STMN2: variants seen among roughly 807,000 people sequenced by gnomAD.
The protein encoded by STMN2 is stathmin-2.
A neutral mutation model predicts 24.1 loss-of-function variants in STMN2; 2 were observed. The ratio of observed to expected loss-of-function variants is 0.08; its 90% CI spans 0.03 to 0.26. STMN2 has a LOEUF of 0.26. Among genes scored for constraint, STMN2 ranks in the 10% least tolerant of loss-of-function variants. The pLI, the probability that STMN2 is intolerant of heterozygous loss-of-function variation, is 1.00. For missense variants in STMN2, 114 were observed against 213.6 expected (o/e 0.53, Z 2.91); for synonymous variants, 83 against 77.5 (o/e 1.07, Z -0.37).
At chr8:79,641,624 G>GCTCT in intron 3 of STMN2, 74 bp downstream of exon 3, 12 of 476,282 alleles carry the variant, frequency 2.5e-5, no homozygotes, top group Non-Finnish European at 3.8e-5. Context: ...GGGCACACAT[G>GCTCT]CACGCACACA....
intron 1 of STMN2, among the ~76,000 whole-genome samples, chr8:79,623,316 C>A (rs1585877788): frequency 6.6e-6 from 1 of 152,254 alleles, no homozygotes; most frequent in East Asian, 1.9e-4. Context: ...TATAAGGTAT[C>A]AGTAAAATGT....
intron 3 of STMN2, among the ~76,000 whole-genome samples, chr8:79,644,064 G>T (rs756306669): frequency 9.9e-5 from 15 of 151,642 alleles, no homozygotes; most frequent in Admixed American, 3.9e-4. Context: ...TTATTCTATT[G>T]GGTTATACTG....
chr8:79,626,080 TACA>T (rs1809647711), intron 1 of STMN2, among the ~76,000 whole-genome samples: 1 of 152,200 alleles, frequency 6.6e-6, no homozygotes, highest in Non-Finnish European at 1.5e-5. Flanking sequence ...ACTCAATCCT[TACA>T]ACAACACCCT....
intron 1 of STMN2, among the ~76,000 whole-genome samples, chr8:79,629,643 C>G (rs1809751778): frequency 6.6e-6 from 1 of 152,156 alleles, no homozygotes; most frequent in South Asian, 2.1e-4. Flanking sequence ...AATTTTGGCT[C>G]CTACATGCAG....
intron 1 of STMN2, among the ~76,000 whole-genome samples, chr8:79,617,712 G>T (rs772249073): frequency 1.3e-5 from 2 of 152,210 alleles, no homozygotes; most frequent in Admixed American, 1.3e-4. Context: ...TGAGGGCCTC[G>T]AGCCAATAAG....
chr8:79,662,394 T>C (rs969543516), intron 4 of STMN2, among the ~76,000 whole-genome samples: 2 of 152,036 alleles, frequency 1.3e-5, no homozygotes, highest in African/African-American at 4.8e-5. Context: ...TCACAACTGC[T>C]TTAGGAACCT....
intron 3 of STMN2, among the ~76,000 whole-genome samples, chr8:79,653,975 A>G (rs1237703554): frequency 6.6e-6 from 1 of 152,228 alleles, no homozygotes; most frequent in Non-Finnish European, 1.5e-5. Context: ...CAGGCCTGAC[A>G]TCAAAGCCCA....
chr8:79,652,215 T>G (rs1810348093), intron 3 of STMN2, among the ~76,000 whole-genome samples: 1 of 152,244 alleles, frequency 6.6e-6, no homozygotes. Flanking sequence ...GGATTTCTGT[T>G]CATTACAAGA....
chr8:79,613,273 C>T (rs1809290543), intron 1 of STMN2, among the ~76,000 whole-genome samples: 1 of 152,182 alleles, frequency 6.6e-6, no homozygotes, highest in Non-Finnish European at 1.5e-5. Context: ...CCCCTCCCAG[C>T]TGAGGCCCAG....
intron 4 of STMN2, chr8:79,663,585 C>T (rs924925587): frequency 1.6e-5 from 25 of 1,524,652 alleles, no homozygotes; most frequent in Middle Eastern, 1.8e-4. Flanking sequence ...TATAGCTGGT[C>T]AAGTTTATTT....
intron 1 of STMN2, among the ~76,000 whole-genome samples, chr8:79,624,011 C>G (rs1809581634): frequency 1.3e-5 from 2 of 152,020 alleles, no homozygotes; most frequent in Non-Finnish European, 1.5e-5. Flanking sequence ...ATTTCAGGAA[C>G]AACATTGAAG....
intron 3 of STMN2, among the ~76,000 whole-genome samples, chr8:79,643,535 A>G (rs1810156487): frequency 6.6e-6 from 1 of 152,120 alleles, no homozygotes; most frequent in African/African-American, 2.4e-5. Flanking sequence ...GGTGAAATTA[A>G]AACTCAAACC....
chr8:79,628,167 TA>T (rs1181873588), intron 1 of STMN2, among the ~76,000 whole-genome samples: 7 of 151,978 alleles, frequency 4.6e-5, no homozygotes, highest in Non-Finnish European at 7.4e-5. Flanking sequence ...TTTTATTTTT[TA>T]TTTTTTTTAT....
At chr8:79,640,723 T>C (rs144307702) in intron 2 of STMN2, among the ~76,000 whole-genome samples, 2 of 152,186 alleles carry the variant, frequency 1.3e-5, no homozygotes, top group Non-Finnish European at 2.9e-5. Context: ...CTGTGCATGA[T>C]TGATGACTGG....
At chr8:79,631,241 T>C (rs1224976846) in intron 1 of STMN2, among the ~76,000 whole-genome samples, 1 of 152,210 alleles carries the variant, frequency 6.6e-6, no homozygotes, top group East Asian at 1.9e-4. Context: ...TAAGAATACA[T>C]CAAATTGAAA....
In STMN2 at chr8:79,618,763, T is replaced by G. The variant is rs961470966; in HGVS notation, c.19+7549T>G. On this transcript the variant is annotated intron_variant, in intron 1 of 4. Transcript: ENST00000220876. ...GTGTACATTTGTTCTCACAAAACACTTTTATATGAGTGTAAAGGTTAATTA... is the reference window on the plus strand; with the variant it reads ...GTGTACATTTGTTCTCACAAAACACGTTTATATGAGTGTAAAGGTTAATTA... Among the ~76,000 whole-genome samples, 6 of 152,196 alleles carry G rather than the reference T, an allele frequency of 3.9e-5. 1 individual carries two copies. The highest frequency in any genetic ancestry group is 3.9e-4 in the Admixed American group (6 of 15,278).
At chr8:79,619,372 T>C (rs1364295287) in intron 1 of STMN2, among the ~76,000 whole-genome samples, 3 of 152,036 alleles carry the variant, frequency 2.0e-5, no homozygotes, top group Non-Finnish European at 4.4e-5. Flanking sequence ...TCTTTGGAAG[T>C]TTTTTTTCCT....
chr8:79,625,637 C>T (rs1809633685), intron 1 of STMN2, among the ~76,000 whole-genome samples: 1 of 152,080 alleles, frequency 6.6e-6, no homozygotes, highest in Non-Finnish European at 1.5e-5. Flanking sequence ...TAGCAAAGCC[C>T]CTTAAAACTT....
At position 79,663,607 on chromosome 8, in the gene STMN2, A is replaced by G; in HGVS notation, c.481-1208A>G. ...GGTCAAGTTTATTTCTTCTGAACTAAAAGAATCTATAGAGTCTCAATTTCT... is the reference window on the plus strand; with the variant it reads ...GGTCAAGTTTATTTCTTCTGAACTAGAAGAATCTATAGAGTCTCAATTTCT... On this transcript the variant is annotated intron_variant, in intron 4 of 4. Coordinates refer to ENST00000220876, the MANE Select transcript of STMN2 (RefSeq NM_007029.4). 6.5e-7 allele frequency: 1 copy of G among 1,530,224 alleles called. No individual in the cohort carries two copies. The highest frequency in any genetic ancestry group is 2.5e-5 in the East Asian group (1 of 40,792). 94.8% of individuals were successfully genotyped at this position (1,530,224 alleles called of 1,614,324 possible).
Sources: allele counts gnomAD v4.1 joint callset (sites outside exome capture counted in the v4.1 genomes callset), GRCh38; gene constraint gnomAD v4.1.1; transcripts MANE v1.5; gene names NCBI Gene and HGNC (gene_info 2026-07-23, HGNC 2026-07-21).